Variants in EDRF1 observed in about 807,000 individuals in gnomAD.
The protein encoded by EDRF1 is erythroid differentiation-related factor 1.
EDRF1 carries 69 observed loss-of-function variants against 148.7 expected under a neutral mutation model. The ratio of observed to expected loss-of-function variants is 0.46; its 90% CI spans 0.38 to 0.57. EDRF1 has a LOEUF of 0.57. Among genes scored for constraint, EDRF1 ranks in the 20% least tolerant of loss-of-function variants. The probability of loss-of-function intolerance (pLI) is 0.00; values close to 1 mark genes in which losing one functional copy is unlikely to be tolerated. For missense variants in EDRF1, 1,118 were observed against 1,478.7 expected (o/e 0.76, Z 4.00); for synonymous variants, 515 against 532.8 (o/e 0.97, Z 0.46).
chr10:125,742,747 T>C (rs1172555228), intron 17 of EDRF1: 1 of 985,080 alleles, frequency 1.0e-6, no homozygotes, highest in Non-Finnish European at 1.2e-6. Context: ...AACTTTACTT[T>C]GTATTAGTGG....
At chr10:125,733,857 GGGGAAAA>G (rs1848597721) in intron 11 of EDRF1, 114 bp downstream of exon 11, 2 of 1,040,404 alleles carry the variant, frequency 1.9e-6, no homozygotes, top group East Asian at 5.1e-5. Context: ...TTCATAGTAG[GGGGAAAA>G]ATACACGTAC....
At chr10:125,724,506 G>C (rs894285188) in intron 4 of EDRF1, among the ~76,000 whole-genome samples, 6 of 152,188 alleles carry the variant, frequency 3.9e-5, no homozygotes, top group Admixed American at 1.3e-4. Flanking sequence ...GTATGACCTA[G>C]GTAGGGAGTA....
intron 22 of EDRF1, among the ~76,000 whole-genome samples, chr10:125,750,658 T>C (rs1849590875): frequency 6.6e-6 from 1 of 152,252 alleles, no homozygotes; most frequent in Non-Finnish European, 1.5e-5. Flanking sequence ...GGAGGAAACC[T>C]GGAAGGCCAA....
At chr10:125,728,052 A>T (rs1393118446) in intron 6 of EDRF1, among the ~76,000 whole-genome samples, 4 of 151,978 alleles carry the variant, frequency 2.6e-5, no homozygotes, top group African/African-American at 9.7e-5. Flanking sequence ...AGAAAAAAAA[A>T]TTAGCCGGGC....
chr10:125,740,434 C>A, intron 15 of EDRF1, 29 bp from the exon 16 acceptor site: 1 of 1,608,826 alleles, frequency 6.2e-7, no homozygotes, highest in South Asian at 1.1e-5. Context: ...ATGAAATGTG[C>A]TGTCTTTTTT....
intron 8 of EDRF1, 93 bp from the exon 9 acceptor site, chr10:125,730,195 G>A: frequency 9.9e-7 from 1 of 1,005,666 alleles, no homozygotes. Context: ...AGAGAGGACA[G>A]CTTAAGATAC....
intron 23 of EDRF1, 81 bp downstream of exon 23, chr10:125,752,995 ATGTGTGTGGG>A: frequency 1.0e-6 from 1 of 967,506 alleles, no homozygotes; most frequent in Non-Finnish European, 1.7e-6. Context: ...GTGTGTGTGT[ATGTGTGTGGG>A]TATATATACA....
rs540853558 is a variant in EDRF1, at chr10:125,721,510, G to A, written c.317+98G>A. On this transcript the variant is annotated intron_variant, in intron 2 of 24. Transcript: ENST00000356792. Reference sequence around the variant, plus strand: ...AGTTTGTAATGCCTATTAACTTGTCGAGATTTCTCTTTAGAGAAAGATCAC... The same window carrying A: ...AGTTTGTAATGCCTATTAACTTGTCAAGATTTCTCTTTAGAGAAAGATCAC... The A allele has an allele frequency of 5.6e-4, 630 of 1,120,064 alleles. 2 individuals are homozygous for A. Among genetic ancestry groups the A allele is most frequent in the Non-Finnish European group, 8.0e-4 (601 of 754,328 alleles). The allele number at this position is 1,120,064 out of a possible 1,614,324, so 69.4% of individuals were successfully genotyped here.
At position 125,763,210 on chromosome 10, in the gene EDRF1, T is replaced by C. The variant is rs1277968071; in HGVS notation, c.3546-91T>C. The C allele has an allele frequency of 2.4e-6, 3 of 1,272,550 alleles. No homozygotes were observed. The highest frequency in any genetic ancestry group is 3.4e-6 in the Non-Finnish European group (3 of 883,302). The allele number at this position is 1,272,550 out of a possible 1,614,324, so 78.8% of individuals were successfully genotyped here. ...CCTGCTGCTCTGTGAAGAGTGACTG[T>C]TGGGCTGTCACTGTCCGGTTTTCTG... On this transcript the variant is annotated intron_variant, in intron 24 of 24. Transcript: ENST00000356792. The surrounding 1 kb of genome is among the most constrained non-coding windows in gnomAD (Gnocchi z 4.3).
At chr10:125,742,852 CA>C in intron 17 of EDRF1, 1 of 889,566 alleles carries the variant, frequency 1.1e-6, no homozygotes, top group Non-Finnish European at 1.3e-6. Context: ...TATTTTTATC[CA>C]ACATTAATAT....
At chr10:125,745,622 T>A (rs1297979940) in intron 18 of EDRF1, 85 bp from the exon 19 acceptor site, 1 of 1,415,566 alleles carries the variant, frequency 7.1e-7, no homozygotes, top group Non-Finnish European at 9.9e-7. Flanking sequence ...GTCACTGCCA[T>A]CCTCCTCTTA....
At chr10:125,739,865 A>G (rs1316589118) in intron 15 of EDRF1, among the ~76,000 whole-genome samples, 3 of 152,250 alleles carry the variant, frequency 2.0e-5, no homozygotes, top group Admixed American at 6.5e-5. Flanking sequence ...TGCCTGGCAC[A>G]GTACTTGGCA....
chr10:125,725,309 G>A lies in EDRF1; in HGVS notation c.511-9G>A, dbSNP rs753700089. The A allele has an allele frequency of 2.0e-5, 32 of 1,613,666 alleles. No individual in the cohort carries two copies. The highest frequency in any genetic ancestry group is 2.6e-5 in the Non-Finnish European group (31 of 1,179,784). On this transcript the variant is annotated splice_polypyrimidine_tract_variant and intron_variant, in intron 4 of 24. Coordinates refer to ENST00000356792, the MANE Select transcript of EDRF1 (RefSeq NM_001202438.2). ...GTTGTATTAATAATATGTATCTCAT[G>A]TTATCCAGACTGGTGACTGGACATG...
At chr10:125,722,471 T>C (rs1261749182) in intron 2 of EDRF1, among the ~76,000 whole-genome samples, 1 of 152,234 alleles carries the variant, frequency 6.6e-6, no homozygotes, top group African/African-American at 2.4e-5. Context: ...CATTTAGTAG[T>C]TGGAACATGG....
chr10:125,729,860 GTTTA>G (rs1274550005), intron 8 of EDRF1, among the ~76,000 whole-genome samples: 2 of 152,212 alleles, frequency 1.3e-5, no homozygotes, highest in Non-Finnish European at 2.9e-5. Flanking sequence ...ATTCAAGAGA[GTTTA>G]TTTAATTAGT....
At chr10:125,759,864 C>A (rs1850106753) in intron 24 of EDRF1, among the ~76,000 whole-genome samples, 1 of 152,180 alleles carries the variant, frequency 6.6e-6, no homozygotes, top group African/African-American at 2.4e-5. Context: ...GCATCCGCCA[C>A]CACACCCGGC....
At chr10:125,744,335 C>T (rs980237466) in intron 18 of EDRF1, among the ~76,000 whole-genome samples, 1 of 151,922 alleles carries the variant, frequency 6.6e-6, no homozygotes, top group Non-Finnish European at 1.5e-5. Flanking sequence ...CCTCTCACCT[C>T]GGCCTCCCAA....
chr10:125,748,156 C>T, intron 21 of EDRF1, 144 bp downstream of exon 21: 1 of 959,794 alleles, frequency 1.0e-6, no homozygotes, highest in East Asian at 2.6e-5. Context: ...TGCGTCTGTG[C>T]CTTTTTTTGT....
chr10:125,729,288 C>A, intron 7 of EDRF1, 70 bp from the exon 8 acceptor site: 1 of 1,580,996 alleles, frequency 6.3e-7, no homozygotes, highest in Non-Finnish European at 8.7e-7. Context: ...TTTTTCTAGT[C>A]TTTTTATGGA....
Sources: allele counts gnomAD v4.1 joint callset (sites outside exome capture counted in the v4.1 genomes callset), GRCh38; gene constraint gnomAD v4.1.1; non-coding constraint Gnocchi (gnomAD v3.1); transcripts MANE v1.5; gene names NCBI Gene and HGNC (gene_info 2026-07-23, HGNC 2026-07-21).